Variants in SDK1 observed in about 807,000 individuals in gnomAD.
SDK1 encodes protein sidekick-1.
In SDK1, 157 loss-of-function variants were observed where a neutral mutation model predicts 245.5. That is an observed-to-expected ratio of 0.64 (90% CI 0.56 to 0.73). SDK1 has a LOEUF of 0.73. Among genes scored for constraint, SDK1 ranks in the 30% least tolerant of loss-of-function variants. The pLI is 0.00. For missense variants in SDK1, 3,583 were observed against 3,002.3 expected (o/e 1.19, Z -4.52); for synonymous variants, 1,647 against 1,278.5 (o/e 1.29, Z -6.15).
At chr7:4,019,535 G>A (rs1229168225) in intron 17 of SDK1, among the ~76,000 whole-genome samples, 1 of 152,028 alleles carries the variant, frequency 6.6e-6, no homozygotes, top group Admixed American at 6.5e-5. Context: ...CATTGCTCTG[G>A]GAATGAACTT....
At chr7:4,118,258 G>A (rs1054264707) in intron 25 of SDK1, among the ~76,000 whole-genome samples, 11 of 152,026 alleles carry the variant, frequency 7.2e-5, no homozygotes, top group African/African-American at 2.7e-4. Context: ...TTAAAAACTG[G>A]GCAAAGGATC....
intron 4 of SDK1, among the ~76,000 whole-genome samples, chr7:3,712,199 A>T (rs910571965): frequency 5.9e-5 from 9 of 152,092 alleles, no homozygotes; most frequent in African/African-American, 2.2e-4. Context: ...ATTCCCCATC[A>T]CTTGCATTCC....
At chr7:4,035,700 GAA>G (rs1788159218) in intron 17 of SDK1, among the ~76,000 whole-genome samples, 1 of 152,120 alleles carries the variant, frequency 6.6e-6, no homozygotes. Flanking sequence ...CCTAGTAACA[GAA>G]AAATAGCAAG....
At chr7:3,702,752 TAGAA>T (rs1392142514) in intron 4 of SDK1, among the ~76,000 whole-genome samples, 1 of 152,254 alleles carries the variant, frequency 6.6e-6, no homozygotes, top group African/African-American at 2.4e-5. Context: ...GAAAATAAAT[TAGAA>T]AGATGGTTCA....
intron 1 of SDK1, among the ~76,000 whole-genome samples, chr7:3,432,902 C>G (rs1779906299): frequency 6.6e-6 from 1 of 152,182 alleles, no homozygotes; most frequent in African/African-American, 2.4e-5. Context: ...ATGGCTGAGC[C>G]TCATTCTTGT....
rs187333492 is a variant in SDK1 at position 3,929,474 on chromosome 7, C to T, written c.848-21449C>T. ...AAAGCATTCCGTATTTATTCCTTAA[C>T]TTATAAGGAACCTATAAATAGGGCT... On this transcript the variant is annotated intron_variant, in intron 5 of 44. Coordinates refer to ENST00000404826, the MANE Select transcript of SDK1 (RefSeq NM_152744.4). 2.7e-3 allele frequency among the ~76,000 whole-genome samples: 410 copies of T among 152,318 alleles called. 1 individual carries two copies. The highest frequency in any genetic ancestry group is 9.2e-3 in the African/African-American group (384 of 41,576).
chr7:4,103,811 C>T (rs1050979349), intron 22 of SDK1, among the ~76,000 whole-genome samples: 33 of 152,258 alleles, frequency 2.2e-4, no homozygotes, highest in Admixed American at 1.5e-3. Context: ...GAGTCAGTGC[C>T]GTGGGGGTGG....
intron 14 of SDK1, among the ~76,000 whole-genome samples, chr7:3,993,884 A>C (rs2128141876): frequency 6.6e-6 from 1 of 152,342 alleles, no homozygotes; most frequent in Admixed American, 6.5e-5. Context: ...GGACAGAGCC[A>C]GTGAGCTCCA....
intron 4 of SDK1, among the ~76,000 whole-genome samples, chr7:3,741,742 A>T (rs1583362553): frequency 6.6e-6 from 1 of 152,040 alleles, no homozygotes; most frequent in South Asian, 2.1e-4. Flanking sequence ...GACGTACTTG[A>T]TTGTTTCAGT....
At chr7:4,244,576 G>T (rs564385026) in intron 43 of SDK1, among the ~76,000 whole-genome samples, 1 of 152,218 alleles carries the variant, frequency 6.6e-6, no homozygotes, top group Non-Finnish European at 1.5e-5. Context: ...ATTTTCTATC[G>T]CTGCATGGCA....
intron 23 of SDK1, among the ~76,000 whole-genome samples, chr7:4,112,278 C>G (rs1441639956): frequency 1.3e-5 from 2 of 152,066 alleles, no homozygotes; most frequent in Non-Finnish European, 2.9e-5. Flanking sequence ...ACAAAGGGTC[C>G]CATTCTTCTG....
chr7:4,205,837 G>A, intron 35 of SDK1, 42 bp from the exon 36 acceptor site: 2 of 1,496,614 alleles, frequency 1.3e-6, no homozygotes, highest in Non-Finnish European at 1.8e-6. Context: ...GGCCGGCTCT[G>A]AATGAACGTC....
chr7:3,736,362 G>T (rs529880379), intron 4 of SDK1, among the ~76,000 whole-genome samples: 1 of 152,008 alleles, frequency 6.6e-6, no homozygotes, highest in Non-Finnish European at 1.5e-5. Flanking sequence ...GGCACGTCTC[G>T]GCTCACTGCG....
chr7:3,764,061 A>C (rs1780181574), intron 4 of SDK1, among the ~76,000 whole-genome samples: 1 of 152,222 alleles, frequency 6.6e-6, no homozygotes, highest in Admixed American at 6.5e-5. Context: ...GATGGTCTGG[A>C]AACCCTTCAG....
intron 5 of SDK1, among the ~76,000 whole-genome samples, chr7:3,927,785 C>A (rs1305717190): frequency 6.6e-6 from 1 of 152,216 alleles, no homozygotes; most frequent in Admixed American, 6.5e-5. Flanking sequence ...GAGGTATATA[C>A]TTCTCCGCAG....
At chr7:4,039,160 G>C (rs1788423830) in intron 17 of SDK1, among the ~76,000 whole-genome samples, 1 of 146,034 alleles carries the variant, frequency 6.8e-6, no homozygotes, top group African/African-American at 2.7e-5. Flanking sequence ...TGTGGGGTGG[G>C]GGGAGCGGGG....
rs1357461990 is a variant in SDK1 at position 3,877,978 on chromosome 7, TG to T, written c.847+56397del. ...AGTACATTCGTTGAAGTAAATTTGCTGGAACAGAGGGAATGCCTATTTTAAA... is the reference window on the plus strand; with the variant it reads ...AGTACATTCGTTGAAGTAAATTTGCTGAACAGAGGGAATGCCTATTTTAAA... On this transcript the variant is annotated intron_variant, in intron 5 of 44. Transcript: ENST00000404826. Among the ~76,000 whole-genome samples, 86 of 152,378 alleles carry T rather than the reference TG, an allele frequency of 5.6e-4. 1 individual carries two copies. The highest frequency in any genetic ancestry group is 5.6e-3 in the Admixed American group (86 of 15,310).
At chr7:4,147,726 G>GC (rs1405412772) in intron 29 of SDK1, among the ~76,000 whole-genome samples, 1 of 152,148 alleles carries the variant, frequency 6.6e-6, no homozygotes, top group African/African-American at 2.4e-5. Flanking sequence ...TGAAAGGAGC[G>GC]CCCCTATCCC....
At position 3,955,900 on chromosome 7, in the gene SDK1, C is replaced by T. The variant is rs188816025; in HGVS notation, c.1151-3031C>T. 1.2e-4 allele frequency among the ~76,000 whole-genome samples: 19 copies of T among 152,290 alleles called. No individual in the cohort carries two copies. The East Asian group carries it at 3.7e-3, about 29-fold the overall frequency. On this transcript the variant is annotated intron_variant, in intron 7 of 44. Transcript: ENST00000404826. ...GGCAGTCTGGGAGGTCTCCCCACCTCCTCTCCTGAGACTGGGGAGCTAGAA... is the reference window on the plus strand; with the variant it reads ...GGCAGTCTGGGAGGTCTCCCCACCTTCTCTCCTGAGACTGGGGAGCTAGAA...
Sources: gnomAD v4.1 joint callset for allele counts (sites outside exome capture counted in the v4.1 genomes callset) on GRCh38, gnomAD v4.1.1 for gene constraint, MANE v1.5 for transcripts, NCBI Gene and HGNC (gene_info 2026-07-23, HGNC 2026-07-21) for gene names.